PTP4A2: variants seen among roughly 807,000 people sequenced by gnomAD.
PTP4A2 encodes the protein protein tyrosine phosphatase 4A2.
Under a neutral mutation model 22.9 loss-of-function variants are expected in PTP4A2, and 2 were observed. The ratio of observed to expected loss-of-function variants is 0.09; its 90% CI spans 0.04 to 0.27. The LOEUF is 0.27. PTP4A2 is among the 10% of genes least tolerant of loss of function. PTP4A2 has a pLI of 1.00. For synonymous variants in PTP4A2, 68 were observed against 69.1 expected, an observed-to-expected ratio of 0.98 and a Z score of 0.08; for missense variants, 103 against 205.1, an observed-to-expected ratio of 0.50 and a Z score of 3.04.
At chr1:31,919,958 C>T (rs1202954071) in intron 1 of PTP4A2, among the ~76,000 whole-genome samples, 2 of 148,326 alleles carry the variant, frequency 1.3e-5, no homozygotes, top group African/African-American at 2.5e-5. Context: ...GAAACCCCGT[C>T]GCTACTAAAA....
At position 31,908,236 on chromosome 1, in the gene PTP4A2, GTTTT is replaced by G. The variant is rs56981526; in HGVS notation, c.*612_*615del. ...TGCTGTTTTTTTGGTGTTGTTTTTT[GTTTT>G]TTTTTTTTTTTTATCTAAAAGTGCC... is the stretch of plus-strand genomic sequence containing the variant. On this transcript the variant is annotated 3_prime_UTR_variant, in exon 6 of 6. Transcript: ENST00000647444. 2.1e-5 allele frequency: 1 copy of G among 47,824 alleles called. No homozygotes were observed. Among genetic ancestry groups the G allele is most frequent in the Non-Finnish European group, 4.2e-5 (1 of 23,712 alleles). The allele number at this position is 47,824 out of a possible 1,614,324, so 3.0% of individuals were successfully genotyped here. A position where few individuals can be genotyped will look rare whatever the true frequency, so the allele number is the denominator to read the frequency against.
Position 31,918,242 on chromosome 1 carries a change from A to G in PTP4A2, c.96+728T>C, listed in dbSNP as rs370113930. Among the ~76,000 whole-genome samples, 1,320 of 151,630 alleles carry G rather than the reference A, an allele frequency of 8.7e-3. 10 individuals are homozygous for G. Among genetic ancestry groups the G allele is most frequent in the African/African-American group, 0.024 (996 of 41,382 alleles). Reference sequence around the variant, plus strand: ...CCAGCCTGGCGAAGAGCGAGACTCCATCTCCCAAAAAAAAAAAAAAACTTA... The same window carrying G: ...CCAGCCTGGCGAAGAGCGAGACTCCGTCTCCCAAAAAAAAAAAAAAACTTA... On this transcript the variant is annotated intron_variant, in intron 2 of 5. Coordinates refer to ENST00000647444, the MANE Select transcript of PTP4A2 (RefSeq NM_080391.4).
intron 1 of PTP4A2, among the ~76,000 whole-genome samples, chr1:31,926,149 A>AAAATATATATATATATAT (rs59088489): frequency 1.5e-5 from 2 of 131,336 alleles, no homozygotes. Context: ...AAAAAAAAAA[A>AAAATATATATATATATAT]ATATATATAT....
At chr1:31,912,123 AGAG>A (rs781503938) in intron 3 of PTP4A2, among the ~76,000 whole-genome samples, 1 of 152,252 alleles carries the variant, frequency 6.6e-6, no homozygotes, top group East Asian at 1.9e-4. Context: ...ATATCTGAAT[AGAG>A]TAGTAATTAG....
intron 2 of PTP4A2, among the ~76,000 whole-genome samples, chr1:31,918,758 G>C (rs1651989844): frequency 6.6e-6 from 1 of 152,090 alleles, no homozygotes; most frequent in Admixed American, 6.5e-5. Flanking sequence ...AATGTAGAAA[G>C]AACACAGAGA....
intron 2 of PTP4A2, 85 bp from the exon 3 acceptor site, chr1:31,916,072 G>A (rs986205985): frequency 4.1e-5 from 38 of 923,550 alleles, no homozygotes; most frequent in Middle Eastern, 4.7e-4. Context: ...TAGGCCGGGC[G>A]GGGTGGTTCA....
intron 1 of PTP4A2, chr1:31,933,200 A>G (rs1427164564): frequency 6.6e-6 from 1 of 152,280 alleles, no homozygotes; most frequent in African/African-American, 2.4e-5. Flanking sequence ...TGTTGTCTCT[A>G]TGTTGCCCAG....
intron 1 of PTP4A2, chr1:31,934,004 T>A (rs1436042002): frequency 1.3e-5 from 2 of 152,190 alleles, no homozygotes; most frequent in Admixed American, 6.5e-5. Flanking sequence ...ATGCCTGTAA[T>A]CCCTGCACTT....
Position 31,908,077 on chromosome 1 carries a change from A to T in PTP4A2, c.*775T>A, listed in dbSNP as rs1489471912. ...GGGTTTTGAAGAAACTAACATGAAC[A>T]CCCTTTCATCAGTAAAGACTAAAAA... On this transcript the variant is annotated 3_prime_UTR_variant, in exon 6 of 6. Coordinates refer to ENST00000647444, the MANE Select transcript of PTP4A2 (RefSeq NM_080391.4). 1 of 124,182 alleles carries T rather than the reference A, an allele frequency of 8.1e-6. No individual in the cohort carries two copies. The highest frequency in any genetic ancestry group is 3.1e-5 in the African/African-American group (1 of 32,732). 7.7% of individuals were successfully genotyped at this position (124,182 alleles called of 1,614,324 possible).
At chr1:31,928,365 CA>C (rs1162831201) in intron 1 of PTP4A2, among the ~76,000 whole-genome samples, 19 of 151,270 alleles carry the variant, frequency 1.3e-4, no homozygotes, top group Admixed American at 1.3e-3. Context: ...TCCAAAATGT[CA>C]GTGAATAAGC....
At chr1:31,913,771 T>C (rs1651671071) in intron 3 of PTP4A2, 1 of 455,622 alleles carries the variant, frequency 2.2e-6, no homozygotes, top group African/African-American at 2.0e-5. Context: ...CATTTCTATT[T>C]CACAAAGATG....
intron 3 of PTP4A2, 99 bp from the exon 4 acceptor site, chr1:31,911,925 G>A: frequency 1.3e-6 from 1 of 747,942 alleles, no homozygotes; most frequent in Non-Finnish European, 2.1e-6. Flanking sequence ...AGGCCTAACT[G>A]AACTAACTGC....
chr1:31,925,941 C>T (rs944066118), intron 1 of PTP4A2, among the ~76,000 whole-genome samples: 2 of 151,330 alleles, frequency 1.3e-5, no homozygotes, highest in Non-Finnish European at 2.9e-5. Flanking sequence ...GTCAGGAGAT[C>T]GAAGCCATAC....
At position 31,906,844 on chromosome 1, in the gene PTP4A2, G is replaced by A. The variant is rs1457800125; in HGVS notation, c.*2008C>T. ...TGTCAAAGGAAAAAGGTTTGTTATT[G>A]TATTGATCAAAACCCAGTGGAATCA... On this transcript the variant is annotated 3_prime_UTR_variant, in exon 6 of 6. Coordinates refer to ENST00000647444, the MANE Select transcript of PTP4A2 (RefSeq NM_080391.4). 6.6e-6 allele frequency: 1 copy of A among 151,698 alleles called. No individual in the cohort carries two copies. The highest frequency in any genetic ancestry group is 2.4e-5 in the African/African-American group (1 of 41,188). The allele number at this position is 151,698 out of a possible 1,614,324, so 9.4% of individuals were successfully genotyped here.
rs953001510 is a variant in PTP4A2, at chr1:31,906,568, T to A, written c.*2284A>T. ...CTTCATTAAATCGAAAAGAAAAAAA[T>A]TGCTTTAAGGAAAAAAAATCCAGTT... On this transcript the variant is annotated 3_prime_UTR_variant, in exon 6 of 6. Transcript: ENST00000647444. 12 of 152,058 alleles carry A rather than the reference T, an allele frequency of 7.9e-5. No homozygotes were observed. Among genetic ancestry groups the A allele is most frequent in the East Asian group, 1.9e-4 (1 of 5,196 alleles). 9.4% of individuals were successfully genotyped at this position (152,058 alleles called of 1,614,324 possible). A position where few individuals can be genotyped will look rare whatever the true frequency, so the allele number is the denominator to read the frequency against.
Position 31,908,777 on chromosome 1 carries a change from C to T in PTP4A2, c.*75G>A. Reference sequence around the variant, plus strand: ...CTACTTTGATGACACAGGTAATATTCCAGATTCACATTTCCAGGTACCAAG... The same window carrying T: ...CTACTTTGATGACACAGGTAATATTTCAGATTCACATTTCCAGGTACCAAG... On this transcript the variant is annotated 3_prime_UTR_variant, in exon 6 of 6. Coordinates refer to ENST00000647444, the MANE Select transcript of PTP4A2 (RefSeq NM_080391.4). 9.8e-7 allele frequency: 1 copy of T among 1,018,548 alleles called. No homozygotes were observed. The highest frequency in any genetic ancestry group is 1.3e-5 in the South Asian group (1 of 74,658). 63.1% of individuals were successfully genotyped at this position (1,018,548 alleles called of 1,614,324 possible).
chr1:31,912,172 A>C (rs1651570774), intron 3 of PTP4A2, among the ~76,000 whole-genome samples: 1 of 152,202 alleles, frequency 6.6e-6, no homozygotes, highest in African/African-American at 2.4e-5. Flanking sequence ...AGCCAAGACA[A>C]AGTAACAGAG....
intron 1 of PTP4A2, among the ~76,000 whole-genome samples, chr1:31,929,578 A>G (rs1443083492): frequency 6.6e-6 from 1 of 152,224 alleles, no homozygotes; most frequent in African/African-American, 2.4e-5. Context: ...AATAGGAACT[A>G]TCTCCAATTC....
At chr1:31,910,882 T>C (rs1237272290) in intron 4 of PTP4A2, 6 of 152,224 alleles carry the variant, frequency 3.9e-5, no homozygotes, top group South Asian at 2.1e-4. Context: ...TGCCCAAGAA[T>C]TGATGACTAG....
Sources: gnomAD v4.1 joint callset for allele counts (sites outside exome capture counted in the v4.1 genomes callset) on GRCh38, gnomAD v4.1.1 for gene constraint, MANE v1.5 for transcripts, NCBI Gene and HGNC (gene_info 2026-07-23, HGNC 2026-07-21) for gene names.